TOP1MT: variants seen among roughly 807,000 people sequenced by gnomAD.
TOP1MT encodes the protein DNA topoisomerase I, mitochondrial.
A neutral mutation model predicts 73.9 loss-of-function variants in TOP1MT; 80 were observed. That is an observed-to-expected ratio of 1.08 (90% CI 0.90 to 1.30). The LOEUF (loss-of-function observed/expected upper bound fraction) is 1.30, where lower values mean the gene tolerates loss of function less well. Among genes scored for constraint, TOP1MT ranks in the 50% most tolerant of loss-of-function variants. The probability of loss-of-function intolerance (pLI) is 0.00; values close to 1 mark genes in which losing one functional copy is unlikely to be tolerated. For synonymous variants in TOP1MT, 338 were observed against 326.4 expected (o/e 1.04, Z -0.38); for missense variants, 815 against 808.0 (o/e 1.01, Z -0.10).
chr8:143,332,812 G>C (rs1251859459), intron 1 of TOP1MT, among the ~76,000 whole-genome samples: 1 of 151,620 alleles, frequency 6.6e-6, no homozygotes, highest in Non-Finnish European at 1.5e-5. Context: ...GCAGGCTCAG[G>C]AGCTCAAGGC....
chr8:143,335,937 A>G (rs1049241252), upstream of TOP1MT, among the ~76,000 whole-genome samples: 2 of 152,192 alleles, frequency 1.3e-5, no homozygotes, highest in African/African-American at 4.8e-5. Context: ...GTGTCCCATC[A>G]TTTCAGAATG....
intron 7 of TOP1MT, among the ~76,000 whole-genome samples, chr8:143,323,153 CCACACAGGCACGCCACA>C (rs1563760893): frequency 3.2e-5 from 2 of 61,738 alleles, no homozygotes; most frequent in East Asian, 8.5e-4. Context: ...CACAGGCACG[CCACACAGGCACGCCACA>C]CACACAGGCA....
chr8:143,322,533 A>C (rs1816482706), intron 7 of TOP1MT, among the ~76,000 whole-genome samples: 1 of 118,108 alleles, frequency 8.5e-6, no homozygotes, highest in African/African-American at 3.5e-5. Flanking sequence ...GGCACGCCAA[A>C]GATGCACGCC....
Position 143,323,993 on chromosome 8 carries a change from G to A in TOP1MT, c.960+6C>T, listed in dbSNP as rs200872473. 96 of 1,613,474 alleles carry A rather than the reference G, an allele frequency of 5.9e-5. No homozygotes were observed. The East Asian group carries it at 1.2e-3, about 21-fold the overall frequency. On this transcript the variant is annotated splice_donor_region_variant and intron_variant, in intron 7 of 13. Coordinates refer to ENST00000329245, the MANE Select transcript of TOP1MT (RefSeq NM_052963.3). ...AGAGCCGCCAGGAAGCGAGAAGGCC[G>A]CATACCTTATCGATGAAATACAGGG... is the stretch of plus-strand genomic sequence containing the variant.
intron 13 of TOP1MT, chr8:143,309,766 C>T (rs1359422842): frequency 9.1e-6 from 14 of 1,533,354 alleles, no homozygotes; most frequent in Admixed American, 3.9e-5. Flanking sequence ...AGGTGTCCAC[C>T]GAGCAGGGCG....
At chr8:143,322,296 C>G (rs1328254091) in intron 7 of TOP1MT, among the ~76,000 whole-genome samples, 2 of 40,644 alleles carry the variant, frequency 4.9e-5, no homozygotes, top group Non-Finnish European at 8.8e-5. Context: ...CACACATGCA[C>G]GCCACACCCA....
At chr8:143,328,359 G>C (rs763951685) in intron 3 of TOP1MT, 1 of 436,048 alleles carries the variant, frequency 2.3e-6, no homozygotes, top group South Asian at 1.6e-5. Flanking sequence ...AATGAGCGAG[G>C]AATACGCAAG....
chr8:143,326,432 C>T lies in TOP1MT; in HGVS notation c.361-88G>A, dbSNP rs141598732. On this transcript the variant is annotated intron_variant, in intron 3 of 13. Coordinates refer to ENST00000329245, the MANE Select transcript of TOP1MT (RefSeq NM_052963.3). ...GCCATGTCTGACGGACAGAAACGCG[C>T]TCTCGCCATGTCCGACGGAGGCGTG... The T allele has an allele frequency of 7.3e-4, 1,151 of 1,569,806 alleles. 7 individuals are homozygous for T. The African/African-American group carries it at 0.011, about 16-fold the overall frequency.
intron 1 of TOP1MT, among the ~76,000 whole-genome samples, chr8:143,352,675 G>A (rs1817341095): frequency 6.6e-6 from 1 of 152,204 alleles, no homozygotes; most frequent in Non-Finnish European, 1.5e-5. Flanking sequence ...CACACAGGCT[G>A]CAGTAAAGTG....
rs540333405 is a variant in TOP1MT, at chr8:143,342,075, GTTA to G, written c.29+1142_29+1144del. ...ATTATTAGAGACAGAGTCTCGCTCT[GTTA>G]TTATTATTATTAGAGTCTCGCTCTG... On this transcript the variant is annotated intron_variant, in intron 2 of 5. Transcript: ENST00000518007. Among the ~76,000 whole-genome samples, 42 of 120,692 alleles carry G rather than the reference GTTA, an allele frequency of 3.5e-4. 2 individuals carry two copies. Among genetic ancestry groups the G allele is most frequent in the East Asian group, 8.6e-4 (4 of 4,634 alleles). The allele number at this position is 120,692 out of a possible 152,430, so 79.2% of individuals were successfully genotyped here. A position where few individuals can be genotyped will look rare whatever the true frequency, so the allele number is the denominator to read the frequency against.
At chr8:143,355,117 G>A (rs1817386140) in intron 1 of TOP1MT, among the ~76,000 whole-genome samples, 1 of 152,190 alleles carries the variant, frequency 6.6e-6, no homozygotes, top group African/African-American at 2.4e-5. Context: ...GCAGGAGAGT[G>A]CGGAAGCGGC....
intron 3 of TOP1MT, chr8:143,328,389 G>C (rs1816760027): frequency 2.4e-6 from 1 of 414,300 alleles, no homozygotes; most frequent in Admixed American, 3.0e-5. Flanking sequence ...TTTTTAAATA[G>C]ACAAAAGTTC....
At chr8:143,314,403 C>T (rs1366514010) in intron 12 of TOP1MT, among the ~76,000 whole-genome samples, 1 of 152,086 alleles carries the variant, frequency 6.6e-6, no homozygotes, top group African/African-American at 2.4e-5. Flanking sequence ...TTTGACCAGC[C>T]TGGCCAACAT....
upstream of TOP1MT, among the ~76,000 whole-genome samples, chr8:143,358,303 T>C (rs547935997): frequency 6.6e-6 from 1 of 152,138 alleles, no homozygotes; most frequent in Non-Finnish European, 1.5e-5. Flanking sequence ...GCAACACCAG[T>C]GCCAAAATGA....
Position 143,324,056 on chromosome 8 carries a change from C to A in TOP1MT, c.903G>T (p.Trp301Cys). 6.2e-7 allele frequency: 1 copy of A among 1,613,916 alleles called. No homozygotes were observed. Among genetic ancestry groups the A allele is most frequent in the Non-Finnish European group, 8.5e-7 (1 of 1,180,042 alleles). The change falls in exon 7 of 14, where the codon TGG (tryptophan) becomes TGT (cysteine). Residue 301 changes from tryptophan to cysteine, a missense_variant. Around this residue, in one of 3 missense-constraint regions of TOP1MT, gnomAD observed 751 missense variants for 725.4 expected, o/e 1.04. Coordinates refer to ENST00000329245, the MANE Select transcript of TOP1MT (RefSeq NM_052963.3). Reference protein sequence around the residue: ...DEIRSQYRADWKSREMKTRQR... With the variant: ...DEIRSQYRADCKSREMKTRQR... ...GTCTCGTCTTCATTTCCCGAGACTT[C>A]CAGTCAGCCCGGTACTGGGAGCGGA...
At chr8:143,356,468 CT>C (rs1055973447), upstream of TOP1MT, among the ~76,000 whole-genome samples, 1 of 152,224 alleles carries the variant, frequency 6.6e-6, no homozygotes, top group African/African-American at 2.4e-5. Context: ...ATCAAAAAAG[CT>C]TTTTATACTT....
intron 3 of TOP1MT, among the ~76,000 whole-genome samples, chr8:143,327,967 A>G (rs771542535): frequency 2.0e-5 from 3 of 152,218 alleles, no homozygotes; most frequent in East Asian, 1.9e-4. Flanking sequence ...TAGGAAAAAC[A>G]TAGGAGGAAA....
chr8:143,328,339 A>G, intron 3 of TOP1MT: 1 of 442,468 alleles, frequency 2.3e-6, no homozygotes, highest in South Asian at 1.6e-5. Flanking sequence ...GCGTTTTTAA[A>G]ACTCCGATAA....
intron 13 of TOP1MT, 149 bp downstream of exon 13, chr8:143,309,919 C>G: frequency 4.4e-6 from 7 of 1,589,472 alleles, no homozygotes; most frequent in Non-Finnish European, 6.0e-6. Context: ...ACACAGGACT[C>G]AGCATCATGG....
Sources: allele counts gnomAD v4.1 joint callset (sites outside exome capture counted in the v4.1 genomes callset), GRCh38; gene constraint gnomAD v4.1.1; regional missense constraint gnomAD v4.1.1; transcripts MANE v1.5; gene names NCBI Gene and HGNC (gene_info 2026-07-23, HGNC 2026-07-21).